RASAL2: variants seen among roughly 807,000 people sequenced by gnomAD.
The protein encoded by RASAL2 is ras GTPase-activating protein nGAP.
Under a neutral mutation model 128.9 loss-of-function variants are expected in RASAL2, and 58 were observed. The observed-to-expected ratio is 0.45, with a 90% CI of 0.36 to 0.56. The LOEUF (loss-of-function observed/expected upper bound fraction) is 0.56, where lower values mean the gene tolerates loss of function less well. RASAL2 is among the 20% of genes least tolerant of loss of function. The pLI is 0.00. For missense variants in RASAL2, 1,360 were observed against 1,601.6 expected (o/e 0.85, Z 2.57); for synonymous variants, 561 against 580.8 (o/e 0.97, Z 0.49).
chr1:178,384,425 A>G (rs1358256588), intron 3 of RASAL2, among the ~76,000 whole-genome samples: 1 of 152,120 alleles, frequency 6.6e-6, no homozygotes, highest in African/African-American at 2.4e-5. Flanking sequence ...AGAGAGAGTA[A>G]TAATTGTTAC....
At chr1:178,130,913 G>A (rs1050489026) in intron 1 of RASAL2, among the ~76,000 whole-genome samples, 1 of 151,988 alleles carries the variant, frequency 6.6e-6, no homozygotes, top group Non-Finnish European at 1.5e-5. Context: ...AATTAGCCGG[G>A]CGCGGTGGTG....
Position 178,473,288 on chromosome 1 carries a change from A to T in RASAL2, c.*49A>T. 1 of 1,604,498 alleles carries T rather than the reference A, an allele frequency of 6.2e-7. No homozygotes were observed. The highest frequency in any genetic ancestry group is 8.5e-7 in the Non-Finnish European group (1 of 1,171,878). On this transcript the variant is annotated 3_prime_UTR_variant, in exon 18 of 18. Coordinates refer to ENST00000367649, the MANE Select transcript of RASAL2 (RefSeq NM_170692.4). ...CAGAAGGAAATTGACCCACTCTCCT[A>T]TCTCCAGACCTTTACCTAGCCCCTC...
chr1:178,194,871 A>T (rs890541599), intron 1 of RASAL2, among the ~76,000 whole-genome samples: 1 of 152,226 alleles, frequency 6.6e-6, no homozygotes, highest in Non-Finnish European at 1.5e-5. Flanking sequence ...AACATGCCCA[A>T]CCATTTTTAC....
At chr1:178,312,219 C>A (rs1429032027) in intron 3 of RASAL2, among the ~76,000 whole-genome samples, 1 of 152,144 alleles carries the variant, frequency 6.6e-6, no homozygotes, top group Non-Finnish European at 1.5e-5. Flanking sequence ...AAAGGGCTTA[C>A]TGAGTTCCCA....
chr1:178,442,931 T>C lies in RASAL2; in HGVS notation c.1184T>C (p.Val395Ala). The C allele has an allele frequency of 6.2e-7, 1 of 1,614,066 alleles. No individual in the cohort carries two copies. ...AAAAAAAAGGACAAGAATAATTATG[T>C]AGGGCTAGTCAACATCCCCACTGCC... ...KKKKKDKNNY[V>A]GLVNIPTASV... is the part of the protein sequence containing the mutation. Residue 395 changes from valine (V) to alanine (A), a missense_variant, in exon 8 of 18, where the codon GTA (valine) becomes GCA (alanine). Around this residue, in one of 3 missense-constraint regions of RASAL2, gnomAD observed 617 missense variants for 714.2 expected, o/e 0.86. Coordinates refer to ENST00000367649, the MANE Select transcript of RASAL2 (RefSeq NM_170692.4).
intron 4 of RASAL2, among the ~76,000 whole-genome samples, chr1:178,420,200 ATTG>A (rs1345654060): frequency 6.6e-6 from 1 of 152,102 alleles, no homozygotes; most frequent in African/African-American, 2.4e-5. Context: ...TGTATGTTAT[ATTG>A]TTGTGCTTTT....
At chr1:178,215,123 A>G (rs1164690604) in intron 1 of RASAL2, among the ~76,000 whole-genome samples, 2 of 152,180 alleles carry the variant, frequency 1.3e-5, no homozygotes, top group African/African-American at 4.8e-5. Flanking sequence ...AAATCATCCA[A>G]CTGATATATA....
In RASAL2 at chr1:178,465,810, AG is replaced by A. The variant is rs1308048153; in HGVS notation, c.3388-109del. 305 of 1,054,906 alleles carry A rather than the reference AG, an allele frequency of 2.9e-4. No homozygotes were observed. In the African/African-American group the frequency reaches 4.1e-3, roughly 14 times the overall value. The allele number at this position is 1,054,906 out of a possible 1,614,324, so 65.3% of individuals were successfully genotyped here. On this transcript the variant is annotated intron_variant, in intron 15 of 17. Coordinates refer to ENST00000367649, the MANE Select transcript of RASAL2 (RefSeq NM_170692.4). ...CTTAGGGTTTCTTTTGTTAAAAAAA[AG>A]AAAAAAGAAAAAGAAAAAAAGAAAG...
intron 1 of RASAL2, among the ~76,000 whole-genome samples, chr1:178,192,552 C>T (rs1281303404): frequency 6.6e-6 from 1 of 152,170 alleles, no homozygotes; most frequent in East Asian, 1.9e-4. Flanking sequence ...GATTTATTTT[C>T]TTTAAACAAA....
chr1:178,451,773 A>T, intron 10 of RASAL2, 58 bp downstream of exon 10: 21 of 1,530,320 alleles, frequency 1.4e-5, no homozygotes, highest in Non-Finnish European at 1.8e-5. Flanking sequence ...TCACAGTGGA[A>T]CTTACATTTT....
chr1:178,454,733 T>G, intron 12 of RASAL2, 85 bp downstream of exon 12: 1 of 1,198,982 alleles, frequency 8.3e-7, no homozygotes. Context: ...TCACTCTTTC[T>G]GCTAATTGAA....
At chr1:178,300,802 G>C (rs1667732010) in intron 3 of RASAL2, among the ~76,000 whole-genome samples, 1 of 152,064 alleles carries the variant, frequency 6.6e-6, no homozygotes, top group African/African-American at 2.4e-5. Flanking sequence ...TAATCAGACT[G>C]GTCAGGTAAT....
chr1:178,113,427 C>T (rs1659407711), intron 1 of RASAL2, among the ~76,000 whole-genome samples: 1 of 151,634 alleles, frequency 6.6e-6, no homozygotes, highest in East Asian at 1.9e-4. Flanking sequence ...ACCTCAGATT[C>T]CTTAGTAGCT....
At chr1:178,411,617 G>A in intron 4 of RASAL2, 2 of 756,724 alleles carry the variant, frequency 2.6e-6, no homozygotes, top group South Asian at 2.8e-5. Context: ...GCACACTTCA[G>A]GTGGCTGAAG....
intron 4 of RASAL2, among the ~76,000 whole-genome samples, chr1:178,396,213 A>G (rs553758137): frequency 6.6e-6 from 1 of 152,272 alleles, no homozygotes; most frequent in East Asian, 1.9e-4. Flanking sequence ...GGCTTGCAGC[A>G]GCACTAACTA....
chr1:178,327,853 A>G (rs184540396), intron 3 of RASAL2, among the ~76,000 whole-genome samples: 1 of 152,172 alleles, frequency 6.6e-6, no homozygotes, highest in Non-Finnish European at 1.5e-5. Flanking sequence ...AAATTTCCTC[A>G]TAAGAGACAG....
intron 1 of RASAL2, among the ~76,000 whole-genome samples, chr1:178,162,442 A>T (rs1377761195): frequency 5.0e-5 from 6 of 119,106 alleles, no homozygotes; most frequent in South Asian, 2.2e-4. Context: ...TTTTATATAT[A>T]ATATATATAA....
At chr1:178,230,076 A>G (rs972291378) in intron 1 of RASAL2, among the ~76,000 whole-genome samples, 7 of 152,096 alleles carry the variant, frequency 4.6e-5, no homozygotes, top group Non-Finnish European at 1.0e-4. Context: ...TCTAGTGTCT[A>G]GGGTCTTTTT....
At chr1:178,185,166 T>C (rs545387170) in intron 1 of RASAL2, among the ~76,000 whole-genome samples, 47 of 152,000 alleles carry the variant, frequency 3.1e-4, no homozygotes, top group African/African-American at 1.1e-3. Flanking sequence ...ATAAAGGAAA[T>C]CAATAGTCTT....
Sources: gnomAD v4.1 joint callset for allele counts (sites outside exome capture counted in the v4.1 genomes callset) on GRCh38, gnomAD v4.1.1 for gene constraint, gnomAD v4.1.1 regional missense constraint, MANE v1.5 for transcripts, NCBI Gene and HGNC (gene_info 2026-07-23, HGNC 2026-07-21) for gene names.